The following FBXO42 variants were observed in gnomAD, a reference collection of about 807,000 sequenced individuals.
The protein encoded by FBXO42 is F-box protein 42.
In FBXO42, 12 loss-of-function variants were observed where a neutral mutation model predicts 71.7. That is an observed-to-expected ratio of 0.17 (90% confidence interval 0.11 to 0.27). The LOEUF (loss-of-function observed/expected upper bound fraction) is 0.27. Ranked by LOEUF, FBXO42 falls within the 10% of genes least tolerant of loss-of-function variation. FBXO42 has a pLI of 1.00. For missense variants in FBXO42, 707 were observed against 911.9 expected (o/e 0.78, Z 2.89); for synonymous variants, 325 against 327.5 (o/e 0.99, Z 0.08).
At chr1:16,277,039 C>T (rs969135686) in intron 4 of FBXO42, among the ~76,000 whole-genome samples, 2 of 152,204 alleles carry the variant, frequency 1.3e-5, no homozygotes, top group Non-Finnish European at 2.9e-5. Flanking sequence ...GATATTAATA[C>T]ATTTTGGTAA....
intron 4 of FBXO42, among the ~76,000 whole-genome samples, chr1:16,274,595 T>TTTG (rs1385644788): frequency 2.7e-5 from 3 of 109,204 alleles, no homozygotes; most frequent in African/African-American, 7.1e-5. Context: ...CCCGTTTTTT[T>TTTG]TTTTTTTTTT....
chr1:16,334,070 G>A (rs953299840), intron 1 of FBXO42, among the ~76,000 whole-genome samples: 1 of 152,128 alleles, frequency 6.6e-6, no homozygotes, highest in African/African-American at 2.4e-5. Context: ...TATATTCAAA[G>A]ATAGCTTATA....
At chr1:16,348,735 A>G (rs1240254797) in intron 1 of FBXO42, among the ~76,000 whole-genome samples, 3 of 152,144 alleles carry the variant, frequency 2.0e-5, no homozygotes, top group Non-Finnish European at 4.4e-5. Context: ...GTTTAGTGTA[A>G]TTCTCACTTA....
intron 1 of FBXO42, among the ~76,000 whole-genome samples, chr1:16,327,930 A>G (rs1328404400): frequency 6.6e-6 from 1 of 152,106 alleles, no homozygotes; most frequent in East Asian, 1.9e-4. Flanking sequence ...CAAACTCCTG[A>G]CCTCAAGTGA....
At chr1:16,259,492 AGTGGCTCACACCT>A in intron 4 of FBXO42, among the ~76,000 whole-genome samples, 1 of 152,316 alleles carries the variant, frequency 6.6e-6, no homozygotes, top group Admixed American at 6.5e-5. Context: ...TGCCAGGCGC[AGTGGCTCACACCT>A]GTAATCCCAG....
intron 4 of FBXO42, among the ~76,000 whole-genome samples, chr1:16,280,112 T>G (rs1178014770): frequency 6.6e-6 from 1 of 152,208 alleles, no homozygotes; most frequent in Non-Finnish European, 1.5e-5. Context: ...CCTCCCAAAG[T>G]GCTGGGATTA....
chr1:16,352,035 C>A (rs552028278), intron 1 of FBXO42, among the ~76,000 whole-genome samples: 1 of 152,254 alleles, frequency 6.6e-6, no homozygotes, highest in African/African-American at 2.4e-5. Flanking sequence ...GGGGTGGGTT[C>A]GCTCCCAACC....
At chr1:16,269,805 A>C (rs562146542) in intron 4 of FBXO42, among the ~76,000 whole-genome samples, 2 of 152,092 alleles carry the variant, frequency 1.3e-5, no homozygotes, top group Admixed American at 1.3e-4. Flanking sequence ...TATTACAGGC[A>C]TGAGCCACCA....
intron 3 of FBXO42, among the ~76,000 whole-genome samples, chr1:16,296,896 A>G (rs1402786930): frequency 6.6e-6 from 1 of 150,642 alleles, no homozygotes; most frequent in African/African-American, 2.4e-5. Flanking sequence ...ACACTATACT[A>G]GCTCTGGGAA....
chr1:16,253,789 T>G, intron 6 of FBXO42, 58 bp from the exon 7 acceptor site: 1 of 1,511,136 alleles, frequency 6.6e-7, no homozygotes, highest in Admixed American at 1.7e-5. Context: ...ACCATAATGG[T>G]GGCTGGGGAG....
At chr1:16,278,520 ACT>A (rs150352056) in intron 4 of FBXO42, among the ~76,000 whole-genome samples, 2,511 of 151,656 alleles carry the variant, frequency 0.017, 66 homozygotes, top group African/African-American at 0.057. Flanking sequence ...GTTAGAATAG[ACT>A]CTACTGTCAG....
At position 16,256,753 on chromosome 1, in the gene FBXO42, T is replaced by G. The variant is rs1295903856; in HGVS notation, c.509A>C (p.Tyr170Ser). 1 of 1,614,036 alleles carries G rather than the reference T, an allele frequency of 6.2e-7. No homozygotes were observed. Among genetic ancestry groups the G allele is most frequent in the African/African-American group, 1.3e-5 (1 of 75,020 alleles). ...EWIRPLASGS[Y>S]PSPKAGATLV... ...AGTTGCTCCAGCTTTGGGGGAAGGA[T>G]AGGACCCTAGGGAAAGTCAGTAACA... The change falls in exon 5 of 10, where the codon TAT becomes TCT. Residue 170 changes from tyrosine (Y) to serine (S), a missense_variant. This residue lies in a region of FBXO42 where 188 missense variants were observed against 230.5 expected (regional missense o/e 0.82). Transcript: ENST00000375592.
At position 16,250,944 on chromosome 1, in the gene FBXO42, T is replaced by C. The variant is rs767103955; in HGVS notation, c.1880A>G (p.Gln627Arg). Reference protein sequence around the residue: ...IARRLGHHPPQSLNVGKPLYQ... With the variant: ...IARRLGHHPPRSLNVGKPLYQ... ...TAGGGGTTTGCCAACATTTAGGGACTGTGGAGGGTGGTGGCCCAGGCGGCG... is the reference window on the plus strand; with the variant it reads ...TAGGGGTTTGCCAACATTTAGGGACCGTGGAGGGTGGTGGCCCAGGCGGCG... Residue 627 changes from glutamine to arginine, a missense_variant, in exon 10 of 10, where the codon CAG becomes CGG. Physicochemically the swap from Gln to Arg is conservative, Grantham distance 43 (BLOSUM62 1). Coordinates refer to ENST00000375592, the MANE Select transcript of FBXO42 (RefSeq NM_018994.3). This position sits in a 1 kb window ranked among gnomAD's most constrained non-coding sequence, Gnocchi z 4.7. 1.9e-6 allele frequency: 3 copies of C among 1,614,172 alleles called. No individual in the cohort carries two copies. Among genetic ancestry groups the C allele is most frequent in the Middle Eastern group, 1.6e-4 (1 of 6,062 alleles).
rs1191706988 is a variant in FBXO42, at chr1:16,249,453, T to A, written c.*1217A>T. ...CTGCCAATAGCCAGGAAGAGGAATA[T>A]ATGTCACCACAAGGAAAAAAACATT... On this transcript the variant is annotated 3_prime_UTR_variant, in exon 10 of 10. Coordinates refer to ENST00000375592, the MANE Select transcript of FBXO42 (RefSeq NM_018994.3). 1 of 152,182 alleles carries A rather than the reference T, an allele frequency of 6.6e-6. No individual in the cohort carries two copies. Among genetic ancestry groups the A allele is most frequent in the Non-Finnish European group, 1.5e-5 (1 of 68,028 alleles). The allele number at this position is 152,182 out of a possible 1,614,324, so 9.4% of individuals were successfully genotyped here. A position where few individuals can be genotyped will look rare whatever the true frequency, so the allele number is the denominator to read the frequency against.
intron 4 of FBXO42, among the ~76,000 whole-genome samples, chr1:16,263,441 A>C (rs1347394094): frequency 6.6e-6 from 1 of 151,508 alleles, no homozygotes; most frequent in Non-Finnish European, 1.5e-5. Context: ...AGACTCCATC[A>C]GAAAAAAGAG....
chr1:16,291,908 G>A (rs978140260), intron 4 of FBXO42, among the ~76,000 whole-genome samples: 2 of 152,196 alleles, frequency 1.3e-5, no homozygotes, highest in Admixed American at 6.6e-5. Flanking sequence ...CTGGCCTCAA[G>A]AGATCCTCCT....
intron 2 of FBXO42, among the ~76,000 whole-genome samples, chr1:16,306,179 G>A (rs977956379): frequency 6.6e-6 from 1 of 151,896 alleles, no homozygotes; most frequent in African/African-American, 2.4e-5. Flanking sequence ...CTGCCACCAT[G>A]CCCAGCTAAT....
chr1:16,326,725 T>G (rs1407587584), intron 1 of FBXO42, among the ~76,000 whole-genome samples: 1 of 151,904 alleles, frequency 6.6e-6, no homozygotes, highest in Non-Finnish European at 1.5e-5. Context: ...TTGAGTTAAT[T>G]CTGATAGGTG....
intron 2 of FBXO42, among the ~76,000 whole-genome samples, chr1:16,314,174 A>G (rs2082341520): frequency 6.6e-6 from 1 of 152,150 alleles, no homozygotes; most frequent in Non-Finnish European, 1.5e-5. Context: ...CTGGTCTCGA[A>G]CTTGACCTCA....
Sources: allele counts gnomAD v4.1 joint callset (sites outside exome capture counted in the v4.1 genomes callset), GRCh38; gene constraint gnomAD v4.1.1; regional missense constraint gnomAD v4.1.1; non-coding constraint Gnocchi (gnomAD v3.1); transcripts MANE v1.5; gene names NCBI Gene and HGNC (gene_info 2026-07-23, HGNC 2026-07-21).